The following BAG3 variants were observed in gnomAD, a reference collection of about 807,000 sequenced individuals.
BAG3 encodes BAG cochaperone 3, also known as BAG family molecular chaperone regulator 3.
In BAG3, 14 loss-of-function variants were observed where a neutral mutation model predicts 40.5. The observed-to-expected ratio is 0.35, with a 90% CI of 0.23 to 0.54. The LOEUF (loss-of-function observed/expected upper bound fraction) is 0.54, where lower values mean the gene tolerates loss of function less well. Ranked by LOEUF, BAG3 falls within the 20% of genes least tolerant of loss-of-function variation. The pLI is 0.91. For missense variants in BAG3, 788 were observed against 758.6 expected (o/e 1.04, Z -0.46); for synonymous variants, 302 against 307.8 (o/e 0.98, Z 0.20).
chr10:119,663,971 T>C, intron 1 of BAG3, among the ~76,000 whole-genome samples: 1 of 152,154 alleles, frequency 6.6e-6, no homozygotes, highest in Non-Finnish European at 1.5e-5. Flanking sequence ...AGAACATTTT[T>C]GGGCCTCCCC....
intron 2 of BAG3, among the ~76,000 whole-genome samples, chr10:119,671,664 G>A (rs1011530136): frequency 2.6e-5 from 4 of 152,182 alleles, no homozygotes; most frequent in East Asian, 3.9e-4. Flanking sequence ...GTGAGGGAGG[G>A]GCACTCTTCC....
At chr10:119,663,454 G>A (rs1385818549) in intron 1 of BAG3, among the ~76,000 whole-genome samples, 1 of 151,924 alleles carries the variant, frequency 6.6e-6, no homozygotes, top group African/African-American at 2.4e-5. Context: ...GATGCCCACC[G>A]CCACGGCCAG....
At chr10:119,659,201 G>T (rs893383609) in intron 1 of BAG3, among the ~76,000 whole-genome samples, 10 of 152,182 alleles carry the variant, frequency 6.6e-5, no homozygotes, top group Non-Finnish European at 1.5e-4. Context: ...CAGACCCTGC[G>T]CCATGCGTCC....
Position 119,670,165 on chromosome 10 carries a change from C to G in BAG3, c.495C>G (p.Ser165=), listed in dbSNP as rs35261472. ...CGGCGGCAGCCCAGCCCCCAGCCTC[C>G]CACGGACCTGAGGTAAGGAGAGGCC... ...AAAAAAQPPA[S]HGPERSQSPA... The change falls in exon 2 of 4, where the codon TCC becomes TCG. Residue 165 remains serine (S), a synonymous_variant. Coordinates refer to ENST00000369085, the MANE Select transcript of BAG3 (RefSeq NM_004281.4). The G allele has an allele frequency of 2.5e-6, 4 of 1,610,172 alleles. No individual in the cohort carries two copies. The highest frequency in any genetic ancestry group is 3.4e-6 in the Non-Finnish European group (4 of 1,179,256).
chr10:119,657,049 C>A (rs1258138192), intron 1 of BAG3, among the ~76,000 whole-genome samples: 1 of 152,134 alleles, frequency 6.6e-6, no homozygotes, highest in Non-Finnish European at 1.5e-5. Context: ...CTGCTTTATA[C>A]TCCCCAGGCA....
chr10:119,665,144 A>ATTTTTTTTTTCC (rs1847046561), intron 1 of BAG3, among the ~76,000 whole-genome samples: 1 of 88,798 alleles, frequency 1.1e-5, no homozygotes, highest in Admixed American at 1.3e-4. Context: ...ATATATATAT[A>ATTTTTTTTTTCC]TTTTTTTTTT....
intron 1 of BAG3, among the ~76,000 whole-genome samples, chr10:119,652,096 G>A (rs1000232601): frequency 5.3e-5 from 8 of 152,078 alleles, no homozygotes; most frequent in Admixed American, 3.3e-4. Flanking sequence ...CGGTGGCCCG[G>A]GAAGCGACCC....
rs924969174 is a variant in BAG3, at chr10:119,669,725, G to A, written c.181-126G>A. 6 of 978,836 alleles carry A rather than the reference G, an allele frequency of 6.1e-6. No homozygotes were observed. In the Admixed American group the frequency reaches 1.1e-4, roughly 19 times the overall value. The allele number at this position is 978,836 out of a possible 1,614,324, so 60.6% of individuals were successfully genotyped here. A position where few individuals can be genotyped will look rare whatever the true frequency, so the allele number is the denominator to read the frequency against. The stretch of plus-strand genomic sequence containing the variant: ...TTGGAGGGTACAGGGGCTGGGAGCT[G>A]GCTGACGCTTTGAGGCCCAAGTCAC... On this transcript the variant is annotated intron_variant, in intron 1 of 3. Transcript: ENST00000369085.
chr10:119,671,738 T>A (rs1311260907), intron 2 of BAG3, among the ~76,000 whole-genome samples: 1 of 152,214 alleles, frequency 6.6e-6, no homozygotes, highest in Non-Finnish European at 1.5e-5. Context: ...GGCCCCTTGA[T>A]TCCAAAGCCT....
intron 1 of BAG3, among the ~76,000 whole-genome samples, chr10:119,668,723 C>T (rs1001803205): frequency 6.6e-6 from 1 of 152,214 alleles, no homozygotes; most frequent in Non-Finnish European, 1.5e-5. Context: ...CAAGAGAGGA[C>T]ATAAGAGAAG....
rs34372634 is a variant in BAG3 at position 119,665,092 on chromosome 10, T to TGTGTG, written c.181-4759_181-4758insGTGTG. 3.8e-3 allele frequency among the ~76,000 whole-genome samples: 338 copies of TGTGTG among 87,944 alleles called. 6 individuals carry two copies. Among genetic ancestry groups the TGTGTG allele is most frequent in the African/African-American group, 9.5e-3 (201 of 21,134 alleles). The allele number at this position is 87,944 out of a possible 152,430, so 57.7% of individuals were successfully genotyped here. The stretch of plus-strand genomic sequence containing the variant: ...GCCACCACACACAGCTAATTTTTGT[T>TGTGTG]TGTGTGTGTGTGTGTGTGTGTGTGT... On this transcript the variant is annotated intron_variant, in intron 1 of 3. Transcript: ENST00000369085.
intron 1 of BAG3, among the ~76,000 whole-genome samples, chr10:119,659,415 C>T (rs147782578): frequency 1.4e-3 from 215 of 152,282 alleles, no homozygotes; most frequent in African/African-American, 4.8e-3. Context: ...ACTGAGGGGC[C>T]GATTACCTGC....
chr10:119,651,960 C>T, intron 1 of BAG3, 105 bp downstream of exon 1: 3 of 1,015,528 alleles, frequency 3.0e-6, no homozygotes, highest in Non-Finnish European at 3.7e-6. Context: ...GCCCGGGGGT[C>T]GGCGAAGGCC....
intron 1 of BAG3, among the ~76,000 whole-genome samples, chr10:119,667,372 C>T (rs17617337): frequency 0.15 from 22,269 of 152,196 alleles, 2,099 homozygotes; most frequent in Non-Finnish European, 0.21. Context: ...GCCAGTCTTC[C>T]GGGCATCCCT....
At chr10:119,659,045 T>A (rs1207937097) in intron 1 of BAG3, among the ~76,000 whole-genome samples, 2 of 152,092 alleles carry the variant, frequency 1.3e-5, no homozygotes, top group Non-Finnish European at 2.9e-5. Context: ...ATCCCCCTTG[T>A]ATGGAGTGTA....
At chr10:119,663,077 G>T (rs1216836904) in intron 1 of BAG3, among the ~76,000 whole-genome samples, 1 of 152,204 alleles carries the variant, frequency 6.6e-6, no homozygotes, top group Non-Finnish European at 1.5e-5. Context: ...CACAGAAGGT[G>T]CCCATTTTCG....
chr10:119,672,756 T>C lies in BAG3; in HGVS notation c.909+100T>C. ...TGGGTTCCCCCTTCATCCCTGCCTATTTAACATGCGTGTACCTACAGGCAA... is the reference window on the plus strand; with the variant it reads ...TGGGTTCCCCCTTCATCCCTGCCTACTTAACATGCGTGTACCTACAGGCAA... On this transcript the variant is annotated intron_variant, in intron 3 of 3. Transcript: ENST00000369085. This position sits in a 1 kb window ranked among gnomAD's most constrained non-coding sequence, Gnocchi z 4.8. 6.6e-7 allele frequency: 1 copy of C among 1,525,468 alleles called. No individual in the cohort carries two copies. Among genetic ancestry groups the C allele is most frequent in the Non-Finnish European group, 8.9e-7 (1 of 1,118,380 alleles). 94.5% of individuals were successfully genotyped at this position (1,525,468 alleles called of 1,614,324 possible). A position where few individuals can be genotyped will look rare whatever the true frequency, so the allele number is the denominator to read the frequency against.
chr10:119,674,064 T>C (rs1259231400), intron 3 of BAG3, among the ~76,000 whole-genome samples: 1 of 152,218 alleles, frequency 6.6e-6, no homozygotes, highest in Non-Finnish European at 1.5e-5. Context: ...GAAACAAGGA[T>C]CATGAGCACC....
Position 119,660,979 on chromosome 10 carries a change from G to C in BAG3, c.181-8872G>C, listed in dbSNP as rs572806242. 6.6e-5 allele frequency among the ~76,000 whole-genome samples: 10 copies of C among 152,336 alleles called. 1 individual carries two copies. In the South Asian group the frequency reaches 2.1e-3, roughly 32 times the overall value. On this transcript the variant is annotated intron_variant, in intron 1 of 3. Transcript: ENST00000369085. ...GTGGTGGCACATGCCTGTAATCCCA[G>C]CTACTCAGGAGGCTGAGGCAGGAGA...
Sources: allele counts gnomAD v4.1 joint callset (sites outside exome capture counted in the v4.1 genomes callset), GRCh38; gene constraint gnomAD v4.1.1; non-coding constraint Gnocchi (gnomAD v3.1); transcripts MANE v1.5; gene names NCBI Gene and HGNC (gene_info 2026-07-23, HGNC 2026-07-21).